The following CHRNA7 variants were observed in gnomAD, a reference collection of about 807,000 sequenced individuals.
CHRNA7 encodes cholinergic receptor nicotinic alpha 7 subunit, also known as neuronal acetylcholine receptor subunit alpha-7.
A neutral mutation model predicts 48.0 loss-of-function variants in CHRNA7; 17 were observed. The ratio of observed to expected loss-of-function variants is 0.35; its 90% CI spans 0.24 to 0.53. The LOEUF is 0.53. CHRNA7 is among the 20% of genes least tolerant of loss of function. CHRNA7 has a pLI of 0.92. For missense variants in CHRNA7, 155 were observed against 577.7 expected (o/e 0.27, Z 7.50); for synonymous variants, 75 against 242.3 (o/e 0.31, Z 6.41).
intron 4 of CHRNA7, among the ~76,000 whole-genome samples, chr15:32,119,488 G>A (rs964920589): frequency 5.9e-4 from 90 of 152,196 alleles, no homozygotes; most frequent in African/African-American, 2.1e-3. Context: ...GGATGGGGAA[G>A]CCAGGGTTCA....
intron 2 of CHRNA7, chr15:32,100,509 T>A (rs938927719): frequency 1.6e-4 from 24 of 154,322 alleles, no homozygotes; most frequent in African/African-American, 5.8e-4. Flanking sequence ...TCTCTGTACG[T>A]CCTGTGCTGG....
At position 32,144,329 on chromosome 15, in the gene CHRNA7, C is replaced by T. The variant is rs147212215; in HGVS notation, c.351-9578C>T. On this transcript the variant is annotated intron_variant, in intron 4 of 9. Coordinates refer to ENST00000306901, the MANE Select transcript of CHRNA7 (RefSeq NM_000746.6). ...CCTTTGTGGGTAACCCGACTTTTCC[C>T]TCTGGCTGCTGTTAACATTTTTTCC... 9.2e-5 allele frequency among the ~76,000 whole-genome samples: 14 copies of T among 152,284 alleles called. No individual in the cohort carries two copies. The East Asian group carries it at 2.7e-3, about 29-fold the overall frequency.
intron 4 of CHRNA7, among the ~76,000 whole-genome samples, chr15:32,120,417 GTTTTCTTTTC>G (rs61075775): frequency 7.7e-4 from 117 of 151,886 alleles, no homozygotes; most frequent in African/African-American, 1.4e-3. Flanking sequence ...CTGCTGTGGG[GTTTTCTTTTC>G]TTTTCTTTTC....
At chr15:32,107,911 G>C (rs76033586) in intron 3 of CHRNA7, among the ~76,000 whole-genome samples, 1,792 of 152,252 alleles carry the variant, frequency 0.012, 25 homozygotes, top group African/African-American at 0.041. Context: ...CTCAGGCATG[G>C]TCAGAAGGGG....
At chr15:32,112,894 G>A (rs889292488) in intron 4 of CHRNA7, among the ~76,000 whole-genome samples, 20 of 152,288 alleles carry the variant, frequency 1.3e-4, no homozygotes, top group African/African-American at 4.8e-4. Context: ...CATTGGGCCC[G>A]TTTCTAGAAG....
intron 4 of CHRNA7, among the ~76,000 whole-genome samples, chr15:32,147,530 G>A (rs2051517097): frequency 6.6e-6 from 1 of 152,160 alleles, no homozygotes; most frequent in African/African-American, 2.4e-5. Context: ...TCCAGCCTGG[G>A]TGACAAAGCA....
chr15:32,032,738 G>A (rs1901904364), intron 2 of CHRNA7, among the ~76,000 whole-genome samples: 1 of 152,164 alleles, frequency 6.6e-6, no homozygotes. Context: ...CTGGATGGGG[G>A]TGATGGTGTA....
At chr15:32,152,035 A>G (rs903200661) in intron 4 of CHRNA7, among the ~76,000 whole-genome samples, 1 of 152,104 alleles carries the variant, frequency 6.6e-6, no homozygotes, top group African/African-American at 2.4e-5. Flanking sequence ...ATTTTTCTTT[A>G]CCAGTAGGGC....
rs1275989990 is a variant in CHRNA7 at position 32,149,460 on chromosome 15, A to C, written c.351-4447A>C. Among the ~76,000 whole-genome samples the C allele has an allele frequency of 6.6e-6, 1 of 152,136 alleles. No individual in the cohort carries two copies. Among genetic ancestry groups the C allele is most frequent in the Non-Finnish European group, 1.5e-5 (1 of 68,022 alleles). ...GGTTCTTCATTTCCCACCTCAGATC[A>C]CTGTTTTCAAACTCAGTTTTCAGCA... On this transcript the variant is annotated intron_variant, in intron 4 of 9. Transcript: ENST00000306901. This position sits in a 1 kb window ranked among gnomAD's most constrained non-coding sequence, Gnocchi z 4.6.
intron 4 of CHRNA7, among the ~76,000 whole-genome samples, chr15:32,141,784 CTT>C: frequency 6.6e-6 from 1 of 152,322 alleles, no homozygotes; most frequent in South Asian, 2.1e-4. Flanking sequence ...TATCCTGAGA[CTT>C]TGCTGAAGTT....
intron 2 of CHRNA7, among the ~76,000 whole-genome samples, chr15:32,056,485 A>C: frequency 6.6e-6 from 1 of 152,198 alleles, no homozygotes; most frequent in East Asian, 1.9e-4. Flanking sequence ...TCACATTTGG[A>C]CATTGTATTG....
At chr15:32,068,486 C>G (rs927553832) in intron 2 of CHRNA7, among the ~76,000 whole-genome samples, 1 of 152,072 alleles carries the variant, frequency 6.6e-6, no homozygotes, top group African/African-American at 2.4e-5. Context: ...TAAATAGATG[C>G]AAAAAGATAA....
At chr15:32,120,473 C>T (rs995807127) in intron 4 of CHRNA7, among the ~76,000 whole-genome samples, 5 of 151,884 alleles carry the variant, frequency 3.3e-5, no homozygotes, top group South Asian at 2.1e-4. Context: ...GGTTTACTGT[C>T]GCCTCTTGAC....
intron 2 of CHRNA7, among the ~76,000 whole-genome samples, chr15:32,063,707 G>A (rs1397592322): frequency 6.6e-6 from 1 of 152,124 alleles, no homozygotes; most frequent in Non-Finnish European, 1.5e-5. Context: ...TGGTTTCTCT[G>A]GCAACCAGCC....
intron 2 of CHRNA7, among the ~76,000 whole-genome samples, chr15:32,063,942 T>C (rs899911819): frequency 3.9e-5 from 6 of 152,222 alleles, no homozygotes; most frequent in Non-Finnish European, 8.8e-5. Context: ...ATCTTCTCAG[T>C]TGATGGATGG....
rs115512777 is a variant in CHRNA7 at position 32,115,457 on chromosome 15, A to G, written c.350+3558A>G. Among the ~76,000 whole-genome samples, 1,380 of 152,040 alleles carry G rather than the reference A, an allele frequency of 9.1e-3. 26 individuals carry two copies. Among genetic ancestry groups the G allele is most frequent in the African/African-American group, 0.032 (1,329 of 41,450 alleles). ...TGGCTTCCCCTTCCTGCCTGGACAC[A>G]CTGTGCAGCCCCCAGGTATGTGCTG... is the stretch of plus-strand genomic sequence containing the variant. On this transcript the variant is annotated intron_variant, in intron 4 of 9. Coordinates refer to ENST00000306901, the MANE Select transcript of CHRNA7 (RefSeq NM_000746.6).
chr15:32,127,284 ATGTT>A (rs2051084161), intron 4 of CHRNA7, among the ~76,000 whole-genome samples: 1 of 152,120 alleles, frequency 6.6e-6, no homozygotes, highest in African/African-American at 2.4e-5. Flanking sequence ...ATCCATGTCC[ATGTT>A]TGTTTGTTTT....
chr15:32,073,740 T>C (rs763534150), intron 2 of CHRNA7, among the ~76,000 whole-genome samples: 3 of 152,118 alleles, frequency 2.0e-5, no homozygotes, highest in Admixed American at 6.5e-5. Flanking sequence ...CTAGCACCAC[T>C]TGCCCTCTAT....
intron 2 of CHRNA7, among the ~76,000 whole-genome samples, chr15:32,042,035 T>C (rs985361177): frequency 6.6e-6 from 1 of 152,232 alleles, no homozygotes; most frequent in African/African-American, 2.4e-5. Flanking sequence ...TTGTGTTTTT[T>C]GTTTGTTTTT....
Sources: allele counts gnomAD v4.1 joint callset (sites outside exome capture counted in the v4.1 genomes callset), GRCh38; gene constraint gnomAD v4.1.1; non-coding constraint Gnocchi (gnomAD v3.1); transcripts MANE v1.5; gene names NCBI Gene and HGNC (gene_info 2026-07-23, HGNC 2026-07-21).